The following SOX5 variants were observed in gnomAD, a reference collection of about 807,000 sequenced individuals.
The protein encoded by SOX5 is transcription factor SOX-5.
SOX5 carries 9 observed loss-of-function variants against 92.0 expected under a neutral mutation model. That is an observed-to-expected ratio of 0.10 (90% CI 0.06 to 0.17). The LOEUF is 0.17. SOX5 is among the 10% of genes least tolerant of loss of function. The pLI is 1.00. For synonymous variants in SOX5, 344 were observed against 336.3 expected, an observed-to-expected ratio of 1.02 and a Z score of -0.25; for missense variants, 642 against 944.5, an observed-to-expected ratio of 0.68 and a Z score of 4.20.
At chr12:23,648,413 T>C (rs1021603190) in intron 7 of SOX5, among the ~76,000 whole-genome samples, 1 of 152,194 alleles carries the variant, frequency 6.6e-6, no homozygotes, top group Non-Finnish European at 1.5e-5. Flanking sequence ...TGTCTACAAA[T>C]TGATATGTTC....
chr12:24,415,143 A>G (rs1964802272), intron 1 of SOX5, among the ~76,000 whole-genome samples: 1 of 152,228 alleles, frequency 6.6e-6, no homozygotes, highest in African/African-American at 2.4e-5. Flanking sequence ...AATATTAAAA[A>G]GTAAAATAGA....
At chr12:24,505,145 T>G (rs932251226) in intron 1 of SOX5, among the ~76,000 whole-genome samples, 4 of 152,240 alleles carry the variant, frequency 2.6e-5, no homozygotes, top group Non-Finnish European at 5.9e-5. Context: ...CTATTGTGCC[T>G]AATTTTCTTG....
rs1028069416 is a variant in SOX5, at chr12:23,949,625, T to C, written c.-24A>G. 1.2e-6 allele frequency: 2 copies of C among 1,613,740 alleles called. No individual in the cohort carries two copies. The highest frequency in any genetic ancestry group is 2.7e-5 in the African/African-American group (2 of 74,886). On this transcript the variant is annotated 5_prime_UTR_variant, in exon 1 of 15. Coordinates refer to ENST00000451604, the MANE Select transcript of SOX5 (RefSeq NM_006940.6). ...ATGCTGGAAAAGCACAATTTCCCTT[T>C]GTCACAGCAGCCACCTATGATCGTC...
chr12:24,065,301 G>T (rs548561741), intron 4 of SOX5, among the ~76,000 whole-genome samples: 1 of 152,282 alleles, frequency 6.6e-6, no homozygotes, highest in South Asian at 2.1e-4. Context: ...CATGGAGCTG[G>T]ATTCCAGAAT....
chr12:24,079,770 T>C (rs900821728), intron 4 of SOX5, among the ~76,000 whole-genome samples: 1 of 151,976 alleles, frequency 6.6e-6, no homozygotes, highest in African/African-American at 2.4e-5. Context: ...TTATATGTTA[T>C]AGCATGATTG....
At chr12:24,203,141 T>A (rs987750708) in intron 4 of SOX5, among the ~76,000 whole-genome samples, 1 of 152,226 alleles carries the variant, frequency 6.6e-6, no homozygotes, top group Non-Finnish European at 1.5e-5. Context: ...TTCAATACTT[T>A]CTTACAACCT....
chr12:23,796,728 CT>C (rs1188604443), intron 3 of SOX5, among the ~76,000 whole-genome samples: 1 of 151,718 alleles, frequency 6.6e-6, no homozygotes, highest in Non-Finnish European at 1.5e-5. Flanking sequence ...CTAACTGAAA[CT>C]ACCTAAACAG....
intron 2 of SOX5, among the ~76,000 whole-genome samples, chr12:24,278,535 A>G (rs1296373564): frequency 1.3e-5 from 2 of 151,894 alleles, no homozygotes; most frequent in Admixed American, 6.6e-5. Context: ...CAACACTGAG[A>G]CTCCAGCTCT....
In SOX5 at chr12:24,334,139, CAA is replaced by C. The variant is rs58037709; in HGVS notation, c.-174+34422_-174+34423del. 3.7e-3 allele frequency among the ~76,000 whole-genome samples: 558 copies of C among 151,082 alleles called. 15 individuals carry two copies. The East Asian group carries it at 0.062, about 17-fold the overall frequency. The stretch of plus-strand genomic sequence containing the variant: ...AGAAAATAAAAGAGTAATTGTAAAA[CAA>C]AAAATAAAATCATTAAATTTAGAAA... On this transcript the variant is annotated intron_variant, in intron 2 of 4. Transcript: ENST00000446891.
chr12:23,784,870 A>G (rs2095351365), intron 3 of SOX5, among the ~76,000 whole-genome samples: 1 of 152,120 alleles, frequency 6.6e-6, no homozygotes, highest in Admixed American at 6.5e-5. Context: ...TGAGCTCGGG[A>G]GTTCAAGGTC....
chr12:24,296,934 C>G lies in SOX5; in HGVS notation c.-173-19622G>C, dbSNP rs200018371. Among the ~76,000 whole-genome samples, 48 of 27,286 alleles carry G rather than the reference C, an allele frequency of 1.8e-3. No individual in the cohort carries two copies. In the Admixed American group the frequency reaches 0.02, roughly 11 times the overall value. 17.9% of individuals were successfully genotyped at this position (27,286 alleles called of 152,430 possible). On this transcript the variant is annotated intron_variant, in intron 2 of 4. Coordinates refer to the SOX5 transcript ENST00000446891. ...ATGGCCCTACATAGACAGACAGACA[C>G]ACACACACACACACACACACACACA... is the stretch of plus-strand genomic sequence containing the variant.
At chr12:23,736,999 T>A (rs1404440843) in intron 5 of SOX5, among the ~76,000 whole-genome samples, 1 of 115,848 alleles carries the variant, frequency 8.6e-6, no homozygotes. Flanking sequence ...GACCTACGAT[T>A]TTTTTTTTTT....
chr12:24,418,767 C>T (rs1456780492), intron 1 of SOX5, among the ~76,000 whole-genome samples: 1 of 151,980 alleles, frequency 6.6e-6, no homozygotes, highest in African/African-American at 2.4e-5. Flanking sequence ...CTAAAAATAC[C>T]CTGATGACTC....
chr12:24,149,425 T>C (rs115032034), intron 4 of SOX5, among the ~76,000 whole-genome samples: 2 of 152,108 alleles, frequency 1.3e-5, no homozygotes, highest in Non-Finnish European at 2.9e-5. Context: ...AAAGAAGACA[T>C]GGAGATGGCA....
intron 11 of SOX5, among the ~76,000 whole-genome samples, chr12:23,559,865 A>T (rs962793746): frequency 2.9e-4 from 43 of 150,656 alleles, no homozygotes; most frequent in Admixed American, 2.6e-3. Context: ...TATCTCTCTC[A>T]CTCCTTACCT....
intron 1 of SOX5, among the ~76,000 whole-genome samples, chr12:24,502,472 C>T (rs1415474608): frequency 6.6e-6 from 1 of 152,094 alleles, no homozygotes; most frequent in Non-Finnish European, 1.5e-5. Flanking sequence ...ATATAACCTA[C>T]TGATAATGGA....
At chr12:23,923,624 CCG>C (rs1437411826) in intron 1 of SOX5, among the ~76,000 whole-genome samples, 3 of 152,070 alleles carry the variant, frequency 2.0e-5, no homozygotes, top group African/African-American at 4.8e-5. Flanking sequence ...AATGCAATCC[CCG>C]CCCCAAGCTC....
intron 9 of SOX5, among the ~76,000 whole-genome samples, chr12:23,593,101 A>AAATT (rs1951818424): frequency 6.6e-6 from 1 of 152,046 alleles, no homozygotes; most frequent in Admixed American, 6.6e-5. Context: ...ATAAATAAAT[A>AAATT]AATTACTGTT....
chr12:24,429,625 TACACAC>T (rs148679940), intron 1 of SOX5, among the ~76,000 whole-genome samples: 5 of 140,704 alleles, frequency 3.6e-5, no homozygotes, highest in African/African-American at 1.3e-4. Flanking sequence ...CACACACACA[TACACAC>T]ACACACACAC....
Sources: gnomAD v4.1 joint callset for allele counts (sites outside exome capture counted in the v4.1 genomes callset) on GRCh38, gnomAD v4.1.1 for gene constraint, MANE v1.5 for transcripts, NCBI Gene and HGNC (gene_info 2026-07-23, HGNC 2026-07-21) for gene names.